OR2V2: variants seen among roughly 807,000 people sequenced by gnomAD.
OR2V2 encodes the protein olfactory receptor 2V2.
For synonymous variants in OR2V2, 161 were observed against 151.3 expected, an observed-to-expected ratio of 1.06 and a Z score of -0.47; for missense variants, 392 against 392.2, an observed-to-expected ratio of 1.00 and a Z score of 0.00.
rs1421469780 is a variant in OR2V2 at position 181,157,095 on chromosome 5, T to C, written c.*1205T>C. On this transcript the variant is annotated 3_prime_UTR_variant, in exon 2 of 2. Transcript: ENST00000641492. Reference sequence around the variant, plus strand: ...ATTTTCAGAATTTCAGTGTGAACTATTTGCAGGACTTGTATCCATCCTTCC... The same window carrying C: ...ATTTTCAGAATTTCAGTGTGAACTACTTGCAGGACTTGTATCCATCCTTCC... 6.6e-6 allele frequency: 1 copy of C among 152,264 alleles called. No individual in the cohort carries two copies. Among genetic ancestry groups the C allele is most frequent in the Non-Finnish European group, 1.5e-5 (1 of 68,052 alleles). The allele number at this position is 152,264 out of a possible 1,614,324, so 9.4% of individuals were successfully genotyped here.
At chr5:181,154,495 C>A (rs1253114196) in intron 1 of OR2V2, among the ~76,000 whole-genome samples, 1 of 151,130 alleles carries the variant, frequency 6.6e-6, no homozygotes, top group Non-Finnish European at 1.5e-5. Flanking sequence ...GAGGCTGAGG[C>A]AGGAGAATGG....
rs1554096515 is a variant in OR2V2, at chr5:181,156,039, G to GTTCGTTCTTTCTTTCTTTCTTTCTTTCT, written c.*152_*153insGTTCTTTCTTTCTTTCTTTCTTTCTTTC. On this transcript the variant is annotated 3_prime_UTR_variant, in exon 2 of 2. Coordinates refer to ENST00000641492, the MANE Select transcript of OR2V2 (RefSeq NM_206880.2). Reference sequence around the variant, plus strand: ...GAAGGTCTTTTTAAACACTACATCAGTTCTTTCTTTCTTTCTTTCTTTCTT... The same window carrying GTTCGTTCTTTCTTTCTTTCTTTCTTTCT: ...GAAGGTCTTTTTAAACACTACATCAGTTCGTTCTTTCTTTCTTTCTTTCTTTCTTTCTTTCTTTCTTTCTTTCTTTCTT... 1.1e-4 allele frequency: 56 copies of GTTCGTTCTTTCTTTCTTTCTTTCTTTCT among 495,284 alleles called. No individual in the cohort carries two copies. Among genetic ancestry groups the GTTCGTTCTTTCTTTCTTTCTTTCTTTCT allele is most frequent in the South Asian group, 4.4e-4 (9 of 20,434 alleles). 30.7% of individuals were successfully genotyped at this position (495,284 alleles called of 1,614,324 possible). A position where few individuals can be genotyped will look rare whatever the true frequency, so the allele number is the denominator to read the frequency against.
At chr5:181,148,256 C>T (rs963511097) in intron 1 of OR2V2, among the ~76,000 whole-genome samples, 3 of 152,144 alleles carry the variant, frequency 2.0e-5, no homozygotes, top group Non-Finnish European at 2.9e-5. Context: ...TTCCTGTCCC[C>T]CTCCCTCTGT....
At position 181,155,931 on chromosome 5, in the gene OR2V2, C is replaced by T; in HGVS notation, c.*41C>T. 6.5e-7 allele frequency: 1 copy of T among 1,536,568 alleles called. No individual in the cohort carries two copies. Among genetic ancestry groups the T allele is most frequent in the Non-Finnish European group, 8.9e-7 (1 of 1,126,302 alleles). On this transcript the variant is annotated 3_prime_UTR_variant, in exon 2 of 2. Transcript: ENST00000641492. ...TGCCTGGCTCTGCCATCTCTTAGCT[C>T]CAGGGATGTCGGGTTAATAATTCTC... is the stretch of plus-strand genomic sequence containing the variant.
Position 181,156,284 on chromosome 5 carries a change from G to A in OR2V2, c.*394G>A. 5.7e-6 allele frequency: 1 copy of A among 176,432 alleles called. No individual in the cohort carries two copies. The highest frequency in any genetic ancestry group is 1.2e-5 in the Non-Finnish European group (1 of 83,734). 10.9% of individuals were successfully genotyped at this position (176,432 alleles called of 1,614,324 possible). A position where few individuals can be genotyped will look rare whatever the true frequency, so the allele number is the denominator to read the frequency against. ...CACACCTGACTAATTTTTTAGTAAGGGATCCACTATTGTTGTAGAGACAAT... is the reference window on the plus strand; with the variant it reads ...CACACCTGACTAATTTTTTAGTAAGAGATCCACTATTGTTGTAGAGACAAT... On this transcript the variant is annotated 3_prime_UTR_variant, in exon 2 of 2. Transcript: ENST00000641492.
rs751745753 is a variant in OR2V2, at chr5:181,155,382, G to A, written c.440G>A (p.Gly147Glu). 1.9e-6 allele frequency: 3 copies of A among 1,614,162 alleles called. No homozygotes were observed. The highest frequency in any genetic ancestry group is 2.2e-5 in the South Asian group (2 of 91,074). Residue 147 changes from glycine (G) to glutamate (E), a missense_variant, in exon 2 of 2, where the codon GGG (glycine) becomes GAG (glutamate). Gly to Glu is a moderately conservative substitution (Grantham distance 98). Coordinates refer to ENST00000641492, the MANE Select transcript of OR2V2 (RefSeq NM_206880.2). ...MNQRVCLQIT[G>E]SSWAFGIIDG... The stretch of plus-strand genomic sequence containing the variant: ...CAGAGGGTCTGTCTCCAGATTACTG[G>A]GAGCTCCTGGGCCTTTGGGATAATC...
At chr5:181,148,107 C>T in intron 1 of OR2V2, 112 bp downstream of exon 1, 1 of 395,950 alleles carries the variant, frequency 2.5e-6, no homozygotes, top group Non-Finnish European at 4.4e-6. Context: ...CTTCCTCCTA[C>T]TGTCTGCCTC....
rs750645354 is a variant in OR2V2, at chr5:181,158,619, C to G, written c.*2729C>G. On this transcript the variant is annotated 3_prime_UTR_variant, in exon 2 of 2. Transcript: ENST00000641492. ...TCCAGCCTGGGCCACAGAGCAGAAG[C>G]CTGTCTCGAAAATAAATAAGTAAAT... 2 of 152,004 alleles carry G rather than the reference C, an allele frequency of 1.3e-5. No homozygotes were observed. Among genetic ancestry groups the G allele is most frequent in the Non-Finnish European group, 2.9e-5 (2 of 68,018 alleles). The allele number at this position is 152,004 out of a possible 1,614,324, so 9.4% of individuals were successfully genotyped here. A position where few individuals can be genotyped will look rare whatever the true frequency, so the allele number is the denominator to read the frequency against.
Position 181,155,744 on chromosome 5 carries a change from G to T in OR2V2, c.802G>T (p.Ala268Ser), listed in dbSNP as rs143091123. Residue 268 changes from alanine to serine, a missense_variant, in exon 2 of 2, where the codon GCC (alanine) becomes TCC (serine). By Grantham distance (99) the Ala-to-Ser change is moderately conservative. Coordinates refer to ENST00000641492, the MANE Select transcript of OR2V2 (RefSeq NM_206880.2). The stretch of plus-strand genomic sequence containing the variant: ...CTACCTGAGGCCTAGGCACTACCGG[G>T]CCCCCAGCCATGACAAGGTGGCCTC... ...FIYLRPRHYRAPSHDKVASIF... is the reference protein window; with the variant it reads ...FIYLRPRHYRSPSHDKVASIF... The T allele has an allele frequency of 6.2e-7, 1 of 1,614,120 alleles. No individual in the cohort carries two copies. The highest frequency in any genetic ancestry group is 8.5e-7 in the Non-Finnish European group (1 of 1,180,018).
chr5:181,147,773 C>G lies in OR2V2; in HGVS notation c.-247C>G. The G allele has an allele frequency of 2.6e-6, 1 of 386,322 alleles. No individual in the cohort carries two copies. The highest frequency in any genetic ancestry group is 4.6e-6 in the Non-Finnish European group (1 of 219,032). 23.9% of individuals were successfully genotyped at this position (386,322 alleles called of 1,614,324 possible). A position where few individuals can be genotyped will look rare whatever the true frequency, so the allele number is the denominator to read the frequency against. On this transcript the variant is annotated 5_prime_UTR_variant, in exon 1 of 2. Coordinates refer to ENST00000641492, the MANE Select transcript of OR2V2 (RefSeq NM_206880.2). ...AGGAGGCTGTGGTCTGTGTGAGCCT[C>G]GCTCTCTGAGCCTGAGGGGCCACTG... is the stretch of plus-strand genomic sequence containing the variant.
chr5:181,154,538 A>G (rs1002906543), intron 1 of OR2V2, among the ~76,000 whole-genome samples: 1 of 150,244 alleles, frequency 6.7e-6, no homozygotes, highest in South Asian at 2.2e-4. Context: ...TGCAGTGAGC[A>G]GAGATCTCGC....
In OR2V2 at chr5:181,158,260, G is replaced by A. The variant is rs1763290669; in HGVS notation, c.*2370G>A. On this transcript the variant is annotated 3_prime_UTR_variant, in exon 2 of 2. Transcript: ENST00000641492. ...AACAAGAGTTGCATAACTAGTCTCAGTGTGAGCAACTGCAAACTTAGAGAT... is the reference window on the plus strand; with the variant it reads ...AACAAGAGTTGCATAACTAGTCTCAATGTGAGCAACTGCAAACTTAGAGAT... The A allele has an allele frequency of 6.6e-6, 1 of 151,962 alleles. No individual in the cohort carries two copies. Among genetic ancestry groups the A allele is most frequent in the Non-Finnish European group, 1.5e-5 (1 of 68,034 alleles). 9.4% of individuals were successfully genotyped at this position (151,962 alleles called of 1,614,324 possible).
At chr5:181,149,303 T>C (rs1763163957) in intron 1 of OR2V2, among the ~76,000 whole-genome samples, 1 of 152,002 alleles carries the variant, frequency 6.6e-6, no homozygotes, top group South Asian at 2.1e-4. Flanking sequence ...TTGGGATGTG[T>C]GTGTGAGAGG....
At chr5:181,152,296 C>T (rs17080822) in intron 1 of OR2V2, among the ~76,000 whole-genome samples, 1 of 152,196 alleles carries the variant, frequency 6.6e-6, no homozygotes, top group Admixed American at 6.5e-5. Flanking sequence ...GGAAACTTAA[C>T]TTTAGATCAG....
chr5:181,155,344 CA>C lies in OR2V2; in HGVS notation c.403del (p.Ile135SerfsTer3). On this transcript the variant is annotated frameshift_variant, in exon 2 of 2. Transcript: ENST00000641492. LOFTEE classifies it low-confidence loss of function (END_TRUNC). ...VAISHPLHYPILMNQRVCLQI... is the reference protein window; with the variant it reads ...VAISHPLHYPXLMNQRVCLQI... ...CCATTAGCCACCCACTTCACTATCC[CA>C]TCCTCATGAATCAGAGGGTCTGTCT... 1.2e-6 allele frequency: 2 copies of C among 1,614,174 alleles called. No individual in the cohort carries two copies. The highest frequency in any genetic ancestry group is 4.5e-5 in the East Asian group (2 of 44,886).
intron 1 of OR2V2, among the ~76,000 whole-genome samples, chr5:181,149,535 C>A (rs180820755): frequency 2.0e-5 from 3 of 152,266 alleles, no homozygotes; most frequent in Non-Finnish European, 4.4e-5. Flanking sequence ...GATAGGGAGA[C>A]AAATGTCTTT....
At position 181,148,145 on chromosome 5, in the gene OR2V2, G is replaced by T. The variant is rs190680087; in HGVS notation, c.-25+150G>T. On this transcript the variant is annotated intron_variant, in intron 1 of 1. Coordinates refer to ENST00000641492, the MANE Select transcript of OR2V2 (RefSeq NM_206880.2). ...TCAGGGTGTAATTGTTTGGATTTTT[G>T]GGGGGGCATCCGCCTTCTGGTGTGA... The T allele has an allele frequency of 4.2e-4, 165 of 391,500 alleles. 1 individual carries two copies. Among genetic ancestry groups the T allele is most frequent in the Middle Eastern group, 2.5e-3 (4 of 1,574 alleles). The allele number at this position is 391,500 out of a possible 1,614,324, so 24.3% of individuals were successfully genotyped here. A position where few individuals can be genotyped will look rare whatever the true frequency, so the allele number is the denominator to read the frequency against.
Position 181,156,979 on chromosome 5 carries a change from T to A in OR2V2, c.*1089T>A, listed in dbSNP as rs1166692443. ...TGTGCTGCTCTGTGTCAGCTCAGCT[T>A]CTGTAAGGAGAAAACTGGCTGAACT... On this transcript the variant is annotated 3_prime_UTR_variant, in exon 2 of 2. Transcript: ENST00000641492. 1 of 152,252 alleles carries A rather than the reference T, an allele frequency of 6.6e-6. No homozygotes were observed. The highest frequency in any genetic ancestry group is 1.9e-4 in the East Asian group (1 of 5,192). 9.4% of individuals were successfully genotyped at this position (152,252 alleles called of 1,614,324 possible). A position where few individuals can be genotyped will look rare whatever the true frequency, so the allele number is the denominator to read the frequency against.
At chr5:181,150,021 G>T (rs1233655558) in intron 1 of OR2V2, among the ~76,000 whole-genome samples, 1 of 152,200 alleles carries the variant, frequency 6.6e-6, no homozygotes, top group African/African-American at 2.4e-5. Context: ...AATTTCTGGG[G>T]GACCTGGTTT....
Sources: allele counts gnomAD v4.1 joint callset (sites outside exome capture counted in the v4.1 genomes callset), GRCh38; gene constraint gnomAD v4.1.1; transcripts MANE v1.5; gene names NCBI Gene and HGNC (gene_info 2026-07-23, HGNC 2026-07-21).